Variants in MUC6 observed in about 807,000 individuals in gnomAD.
The protein encoded by MUC6 is mucin 6, oligomeric mucus/gel-forming (gene/pseudogene), also known as mucin-6.
A neutral mutation model predicts 201.5 loss-of-function variants in MUC6; 188 were observed. The observed-to-expected ratio is 0.93, with a 90% CI of 0.83 to 1.05. The LOEUF (loss-of-function observed/expected upper bound fraction) is 1.05, where lower values mean the gene tolerates loss of function less well. Ranked by LOEUF, MUC6 falls within the 50% of genes least tolerant of loss-of-function variation. MUC6 has a pLI of 0.00. For synonymous variants in MUC6, 1,228 were observed against 1,389.4 expected (o/e 0.88, Z 2.58); for missense variants, 2,706 against 3,256.9 (o/e 0.83, Z 4.12).
chr11:1,025,808 C>G lies in MUC6; in HGVS notation c.2796G>C (p.Leu932=), dbSNP rs1466324574. 2 of 1,611,548 alleles carry G rather than the reference C, an allele frequency of 1.2e-6. No individual in the cohort carries two copies. Among genetic ancestry groups the G allele is most frequent in the Non-Finnish European group, 1.7e-6 (2 of 1,179,438 alleles). The change falls in exon 22 of 33, where the codon CTG becomes CTC. Residue 932 remains leucine (L), a synonymous_variant. Coordinates refer to ENST00000421673, the MANE Select transcript of MUC6 (RefSeq NM_005961.3). ...CAGAGTCTGCCCGGCTGCTCACCCC[C>G]AGGAAGATCTTGATGGCCCGTGAGC... The part of the protein sequence containing the change: ...VTCSRAIKIF[L]GGLSVVLADR...
chr11:1,029,374 T>C lies in MUC6; in HGVS notation c.1137-8A>G. ...CGGCCCAGGGTGCACCGGCTGTGGG[T>C]GGGCGTGGGGGTAGCGGCATGGTGG... On this transcript the variant is annotated splice_polypyrimidine_tract_variant and splice_region_variant and intron_variant, in intron 9 of 32. Coordinates refer to ENST00000421673, the MANE Select transcript of MUC6 (RefSeq NM_005961.3). 1.3e-6 allele frequency: 2 copies of C among 1,594,650 alleles called. No homozygotes were observed. Among genetic ancestry groups the C allele is most frequent in the Non-Finnish European group, 1.7e-6 (2 of 1,170,888 alleles).
At position 1,019,182 on chromosome 11, in the gene MUC6, G is replaced by A. The variant is rs2133820183; in HGVS notation, c.4030+93C>T. On this transcript the variant is annotated intron_variant, in intron 30 of 32. Transcript: ENST00000421673. ...TTCTCGCTTGCCCTCTGGGAAATACGGGGTCTTCTTTATGGCTGAATCACT... is the reference window on the plus strand; with the variant it reads ...TTCTCGCTTGCCCTCTGGGAAATACAGGGTCTTCTTTATGGCTGAATCACT... 8 of 1,381,274 alleles carry A rather than the reference G, an allele frequency of 5.8e-6. No individual in the cohort carries two copies. The South Asian group carries it at 7.5e-5, about 13-fold the overall frequency. 85.6% of individuals were successfully genotyped at this position (1,381,274 alleles called of 1,614,324 possible).
At chr11:1,023,843 C>G (rs1300159006) in intron 25 of MUC6, 104 bp downstream of exon 25, 1 of 1,487,286 alleles carries the variant, frequency 6.7e-7, no homozygotes, top group Non-Finnish European at 9.0e-7. Flanking sequence ...AGCCCGGCGC[C>G]TGTCCAGGGA....
chr11:1,020,679 A>G lies in MUC6; in HGVS notation c.3640+5T>C, dbSNP rs111480604. The G allele has an allele frequency of 5.3e-4, 852 of 1,613,550 alleles. 2 individuals carry two copies. In the African/African-American group the frequency reaches 7.2e-3, roughly 14 times the overall value. On this transcript the variant is annotated splice_donor_5th_base_variant and intron_variant, in intron 28 of 32. Coordinates refer to ENST00000421673, the MANE Select transcript of MUC6 (RefSeq NM_005961.3). Reference sequence around the variant, plus strand: ...CACCTTGGCACCTAGTGTGCGTGCAATTACCTGTGGTGGGCAGCTGCGGCG... The same window carrying G: ...CACCTTGGCACCTAGTGTGCGTGCAGTTACCTGTGGTGGGCAGCTGCGGCG...
Position 1,033,214 on chromosome 11 carries a change from G to C in MUC6, c.53-139C>G, listed in dbSNP as rs748601718. The C allele has an allele frequency of 4.0e-5, 32 of 798,964 alleles. No individual in the cohort carries two copies. In the East Asian group the frequency reaches 6.8e-4, roughly 17 times the overall value. 49.5% of individuals were successfully genotyped at this position (798,964 alleles called of 1,614,324 possible). A position where few individuals can be genotyped will look rare whatever the true frequency, so the allele number is the denominator to read the frequency against. On this transcript the variant is annotated intron_variant, in intron 1 of 32. Transcript: ENST00000421673. The surrounding 1 kb of genome is among the most constrained non-coding windows in gnomAD (Gnocchi z 5.6). ...GAAGTGTCCATGGCCCGTGGGGCTC[G>C]AGGCCTCAACAGCAAGCCAAGCGCT...
intron 20 of MUC6, 75 bp from the exon 21 acceptor site, chr11:1,026,216 G>T (rs1400923968): frequency 3.9e-6 from 6 of 1,530,080 alleles, no homozygotes; most frequent in Non-Finnish European, 5.3e-6. Context: ...GGAGAGGCCA[G>T]ACTGCACCTC....
chr11:1,029,533 A>G lies in MUC6; in HGVS notation c.1098T>C (p.Tyr366=), dbSNP rs779642474. The change falls in exon 9 of 33, where the codon TAT becomes TAC. Residue 366 remains tyrosine (Y), a synonymous_variant. Coordinates refer to ENST00000421673, the MANE Select transcript of MUC6 (RefSeq NM_005961.3). The part of the protein sequence containing the change: ...QCPCVLHGAM[Y]APGEVTIAAC... Reference sequence around the variant, plus strand: ...CAGCTATTGTGACCTCCCCGGGGGCATACATGGCGCCGTGGAGCACACAGG... The same window carrying G: ...CAGCTATTGTGACCTCCCCGGGGGCGTACATGGCGCCGTGGAGCACACAGG... The G allele has an allele frequency of 3.1e-6, 5 of 1,612,532 alleles. No individual in the cohort carries two copies. The highest frequency in any genetic ancestry group is 4.2e-6 in the Non-Finnish European group (5 of 1,179,728).
rs1447769841 is a variant in MUC6, at chr11:1,013,571, T to C, written c.7205A>G (p.Tyr2402Cys). 4 of 1,573,172 alleles carry C rather than the reference T, an allele frequency of 2.5e-6. No homozygotes were observed. In the East Asian group the frequency reaches 9.4e-5, roughly 37 times the overall value. Reference protein sequence around the residue: ...RCSCCRPLHSYEQQLELPCPD... With the variant: ...RCSCCRPLHSCEQQLELPCPD... Reference sequence around the variant, plus strand: ...GCAGGGCAGCTCCAGCTGCTGCTCATAGGAGTGGAGGGGGCGGCAGCAGCT... The same window carrying C: ...GCAGGGCAGCTCCAGCTGCTGCTCACAGGAGTGGAGGGGGCGGCAGCAGCT... The change falls in exon 33 of 33, where the codon TAT becomes TGT. Residue 2402 changes from tyrosine to cysteine, a missense_variant. Transcript: ENST00000421673.
At chr11:1,018,833 G>T in intron 30 of MUC6, 63 bp from the exon 31 acceptor site, 1 of 1,513,392 alleles carries the variant, frequency 6.6e-7, no homozygotes, top group Non-Finnish European at 8.8e-7. Context: ...ACCTCCGCTG[G>T]CCCGTCCTTT....
chr11:1,025,936 G>A, intron 21 of MUC6, 21 bp from the exon 22 acceptor site: 2 of 1,601,710 alleles, frequency 1.2e-6, no homozygotes, highest in Non-Finnish European at 1.7e-6. Flanking sequence ...AGGGCGCTGA[G>A]GAGGAGCCCT....
Position 1,018,396 on chromosome 11 carries a change from G to A in MUC6, c.4405C>T (p.Gln1469Ter), listed in dbSNP as rs1856727138. 1.2e-6 allele frequency: 2 copies of A among 1,613,990 alleles called. No individual in the cohort carries two copies. Among genetic ancestry groups the A allele is most frequent in the East Asian group, 2.2e-5 (1 of 44,892 alleles). ...TGGTTGGAGGCAGATGTGGCCATCT[G>A]TGCGTGGGTAGGGGTGATGACTGTG... ...THTVITPTHA[Q>*]MATSASNHSA... The change falls in exon 31 of 33, where the codon CAG becomes TAG. Residue 1469 changes from glutamine to a stop codon, truncating the protein, a stop_gained. Transcript: ENST00000421673. LOFTEE classifies it high-confidence loss of function.
At position 1,031,181 on chromosome 11, in the gene MUC6, CA is replaced by C; in HGVS notation, c.561del (p.Phe187LeufsTer50). The part of the protein sequence containing the change: ...GNFDGKVTNE[F>X]VSEEGKFLEP... ...TGCCCCCACCTACCCTCCTCACTGA[CA>C]AACTCGTTGGTCACCTTCCCGTCAA... On this transcript the variant is annotated frameshift_variant, in exon 5 of 33. Coordinates refer to ENST00000421673, the MANE Select transcript of MUC6 (RefSeq NM_005961.3). LOFTEE classifies it high-confidence loss of function. 1 of 1,552,618 alleles carries C rather than the reference CA, an allele frequency of 6.4e-7. No homozygotes were observed. The highest frequency in any genetic ancestry group is 1.8e-5 in the Admixed American group (1 of 54,574).
intron 32 of MUC6, 58 bp from the exon 33 acceptor site, chr11:1,013,691 C>T: frequency 1.3e-6 from 2 of 1,502,172 alleles, no homozygotes; most frequent in South Asian, 1.2e-5. Context: ...TAAGGCCCCT[C>T]CCTCCCCAGG....
Position 1,016,348 on chromosome 11 carries a change from A to G in MUC6, c.6453T>C (p.Ser2151=), listed in dbSNP as rs762334577. The G allele has an allele frequency of 1.1e-5, 17 of 1,611,230 alleles. No homozygotes were observed. The South Asian group carries it at 1.1e-4, about 10-fold the overall frequency. The change falls in exon 31 of 33, where the codon TCT becomes TCC. Residue 2151 remains serine, a synonymous_variant. Coordinates refer to ENST00000421673, the MANE Select transcript of MUC6 (RefSeq NM_005961.3). ...VSSYVPSSHS[S]PQTSSPSVGT... ...CAACAGAAGGCGATGAAGTCTGGGG[A>G]GAGGAGTGGGAGGAGGGCACATAAG...
Position 1,025,949 on chromosome 11 carries a change from AG to A in MUC6, c.2689-35del, listed in dbSNP as rs1290029978. The A allele has an allele frequency of 1.1e-5, 17 of 1,596,248 alleles. No homozygotes were observed. The Admixed American group carries it at 3.0e-4, about 28-fold the overall frequency. On this transcript the variant is annotated intron_variant, in intron 21 of 32. Coordinates refer to ENST00000421673, the MANE Select transcript of MUC6 (RefSeq NM_005961.3). ...AGAGGGCGCTGAGGAGGAGCCCTGGAGGCCGTGCCTCTGGGTCCCCGGCCCC... is the reference window on the plus strand; with the variant it reads ...AGAGGGCGCTGAGGAGGAGCCCTGGAGCCGTGCCTCTGGGTCCCCGGCCCC...
At position 1,036,638 on chromosome 11, in the gene MUC6, C is replaced by T; in HGVS notation, c.18G>A (p.Leu6=). Residue 6 remains leucine, a synonymous_variant, in exon 1 of 33, where the codon CTG becomes CTA. Coordinates refer to ENST00000421673, the MANE Select transcript of MUC6 (RefSeq NM_005961.3). ...GCAGGGCTCCGCAGCAGGACAGCAG[C>T]AGCCACCGCTGGACCATGGTGCACA... MVQRW[L]LLSCCGALLS... 3.9e-6 allele frequency: 6 copies of T among 1,547,840 alleles called. No individual in the cohort carries two copies. The African/African-American group carries it at 6.8e-5, about 18-fold the overall frequency.
At position 1,019,335 on chromosome 11, in the gene MUC6, T is replaced by G. The variant is rs1197020220; in HGVS notation, c.3970A>C (p.Thr1324Pro). ...SPATTSTAQS[T>P]TRTTMTLPTP... is the part of the protein sequence containing the mutation. The stretch of plus-strand genomic sequence containing the variant: ...GGTAGTGTCATTGTGGTCCGTGTTG[T>G]GGACTGAGCTGTGGACGTCGTGGCT... Residue 1324 changes from threonine to proline, a missense_variant, in exon 30 of 33, where the codon ACA (threonine) becomes CCA (proline). Around this residue, in one of 10 missense-constraint regions of MUC6, gnomAD observed 1,850 missense variants for 1,958.3 expected, o/e 0.94. Transcript: ENST00000421673. 1 of 1,614,034 alleles carries G rather than the reference T, an allele frequency of 6.2e-7. No individual in the cohort carries two copies. The highest frequency in any genetic ancestry group is 1.3e-5 in the African/African-American group (1 of 75,060).
At chr11:1,021,932 C>T (rs1856817540) in intron 26 of MUC6, among the ~76,000 whole-genome samples, 1 of 152,092 alleles carries the variant, frequency 6.6e-6, no homozygotes, top group Non-Finnish European at 1.5e-5. Context: ...TCCCAGGACC[C>T]TCTGCATTCA....
chr11:1,016,180 GGTA>G lies in MUC6; in HGVS notation c.6618_6620del (p.Thr2207del), dbSNP rs756870892. The G allele has an allele frequency of 5.0e-6, 8 of 1,613,300 alleles. No individual in the cohort carries two copies. The highest frequency in any genetic ancestry group is 6.8e-6 in the Non-Finnish European group (8 of 1,179,736). On this transcript the variant is annotated inframe_deletion, in exon 31 of 33. Coordinates refer to ENST00000421673, the MANE Select transcript of MUC6 (RefSeq NM_005961.3). ...TAGTGTGGGGGAGAGTGGCCCTAAT[GGTA>G]GTAGAGGCAGCTGGAGAAGAAGGAA...
Sources: allele counts gnomAD v4.1 joint callset (sites outside exome capture counted in the v4.1 genomes callset), GRCh38; gene constraint gnomAD v4.1.1; regional missense constraint gnomAD v4.1.1; non-coding constraint Gnocchi (gnomAD v3.1); transcripts MANE v1.5; gene names NCBI Gene and HGNC (gene_info 2026-07-23, HGNC 2026-07-21).